DAPK1: variants seen among roughly 807,000 people sequenced by gnomAD.
DAPK1 encodes the protein death associated protein kinase 1.
In DAPK1, 56 loss-of-function variants were observed where a neutral mutation model predicts 144.9. That is an observed-to-expected ratio of 0.39 (90% CI 0.31 to 0.48). The LOEUF (loss-of-function observed/expected upper bound fraction) is 0.48. Ranked by LOEUF, DAPK1 falls within the 20% of genes least tolerant of loss-of-function variation. The probability of loss-of-function intolerance (pLI) is 0.95; values close to 1 mark genes in which losing one functional copy is unlikely to be tolerated. For missense variants in DAPK1, 1,454 were observed against 1,875.4 expected (o/e 0.78, Z 4.15); for synonymous variants, 690 against 749.0 (o/e 0.92, Z 1.29).
chr9:87,680,266 G>A (rs926915438), intron 19 of DAPK1, among the ~76,000 whole-genome samples: 1 of 151,910 alleles, frequency 6.6e-6, no homozygotes, highest in Non-Finnish European at 1.5e-5. Flanking sequence ...CACCACGCCC[G>A]GCTAATTTTT....
At chr9:87,697,282 C>T (rs1054391063) in intron 22 of DAPK1, 78 bp downstream of exon 22, 27 of 720,204 alleles carry the variant, frequency 3.7e-5, no homozygotes, top group Non-Finnish European at 5.9e-5. Flanking sequence ...AGGCTTCTGC[C>T]CTGCTCCTGC....
chr9:87,512,885 G>T (rs980017195), intron 2 of DAPK1, among the ~76,000 whole-genome samples: 6 of 152,024 alleles, frequency 3.9e-5, no homozygotes, highest in African/African-American at 1.4e-4. Context: ...AGAGGCTGGT[G>T]ATCCACCCAC....
chr9:87,611,187 T>C (rs1353625268), intron 3 of DAPK1, among the ~76,000 whole-genome samples: 1 of 152,200 alleles, frequency 6.6e-6, no homozygotes, highest in Non-Finnish European at 1.5e-5. Context: ...AAATATACAG[T>C]TTAAAACAGT....
chr9:87,531,879 C>T (rs1387642853), intron 2 of DAPK1, among the ~76,000 whole-genome samples: 3 of 152,172 alleles, frequency 2.0e-5, no homozygotes, highest in African/African-American at 4.8e-5. Context: ...CCTTATTGTG[C>T]AGTAGTTTTC....
chr9:87,640,489 C>T (rs940890448), intron 8 of DAPK1, 39 bp downstream of exon 8: 1 of 1,601,254 alleles, frequency 6.2e-7, no homozygotes, highest in Non-Finnish European at 8.5e-7. Context: ...TGGCCACGGC[C>T]TCAGCCAGCC....
chr9:87,508,251 A>T (rs978647100), intron 2 of DAPK1, among the ~76,000 whole-genome samples: 1 of 151,772 alleles, frequency 6.6e-6, no homozygotes, highest in East Asian at 1.9e-4. Context: ...ACCTCAGGTG[A>T]TCTGCCCTCC....
intron 19 of DAPK1, among the ~76,000 whole-genome samples, chr9:87,672,159 T>C (rs1030999695): frequency 6.6e-6 from 1 of 152,170 alleles, no homozygotes; most frequent in Non-Finnish European, 1.5e-5. Context: ...CCTGTTATTG[T>C]TGGAACCCCG....
intron 18 of DAPK1, among the ~76,000 whole-genome samples, chr9:87,659,170 A>C (rs1830739275): frequency 6.6e-6 from 1 of 152,080 alleles, no homozygotes; most frequent in Non-Finnish European, 1.5e-5. Flanking sequence ...CCCCGAATGC[A>C]CTCATGTTAC....
intron 2 of DAPK1, among the ~76,000 whole-genome samples, chr9:87,504,031 A>G (rs1219505299): frequency 6.6e-6 from 1 of 152,206 alleles, no homozygotes; most frequent in Non-Finnish European, 1.5e-5. Context: ...TGCAGGAGTC[A>G]GTCCTATGAA....
intron 3 of DAPK1, among the ~76,000 whole-genome samples, chr9:87,635,804 G>C (rs1829874611): frequency 6.6e-6 from 1 of 152,166 alleles, no homozygotes; most frequent in South Asian, 2.1e-4. Flanking sequence ...GTGAGCGCGT[G>C]GCAGAAGTTA....
At chr9:87,662,947 G>A (rs770668058) in intron 18 of DAPK1, among the ~76,000 whole-genome samples, 1 of 151,882 alleles carries the variant, frequency 6.6e-6, no homozygotes, top group Non-Finnish European at 1.5e-5. Flanking sequence ...GTTTCAAGCT[G>A]AGTCAAGGCC....
At chr9:87,517,684 G>A (rs1028651339) in intron 2 of DAPK1, among the ~76,000 whole-genome samples, 4 of 152,142 alleles carry the variant, frequency 2.6e-5, no homozygotes, top group Admixed American at 2.6e-4. Flanking sequence ...TGTTGTGCAC[G>A]TTTTCATCCT....
intron 2 of DAPK1, among the ~76,000 whole-genome samples, chr9:87,519,027 A>G (rs905809996): frequency 1.3e-5 from 2 of 152,240 alleles, no homozygotes; most frequent in Admixed American, 6.5e-5. Flanking sequence ...TCCTTGGCCA[A>G]GTCGAGTAAG....
At chr9:87,594,103 C>T (rs1194658703) in intron 2 of DAPK1, among the ~76,000 whole-genome samples, 2 of 152,162 alleles carry the variant, frequency 1.3e-5, no homozygotes. Flanking sequence ...AAACTGGACT[C>T]AGAGTTCAGC....
At chr9:87,545,480 G>C (rs969334129) in intron 2 of DAPK1, among the ~76,000 whole-genome samples, 1 of 152,198 alleles carries the variant, frequency 6.6e-6, no homozygotes, top group Admixed American at 6.5e-5. Context: ...AGGCAAACTA[G>C]ACAGACATCA....
At chr9:87,551,624 G>A (rs890632927) in intron 2 of DAPK1, among the ~76,000 whole-genome samples, 1 of 152,182 alleles carries the variant, frequency 6.6e-6, no homozygotes, top group East Asian at 1.9e-4. Flanking sequence ...TTGAGGATAA[G>A]GGCGAGAGAA....
chr9:87,670,933 A>G (rs1159559032), intron 19 of DAPK1, among the ~76,000 whole-genome samples: 1 of 152,148 alleles, frequency 6.6e-6, no homozygotes, highest in Non-Finnish European at 1.5e-5. Context: ...CCCCCTTAGC[A>G]ATGGTCCCTT....
intron 2 of DAPK1, among the ~76,000 whole-genome samples, chr9:87,541,865 T>C (rs531793522): frequency 1.3e-5 from 2 of 152,350 alleles, no homozygotes; most frequent in East Asian, 3.9e-4. Context: ...CATGTCTATA[T>C]AGGCCATGCC....
Position 87,498,045 on chromosome 9 carries a change from TGG to T in DAPK1, c.-170_-169del. ...CGCCGCCCCGGCTAGTCTCCGGCGC[TGG>T]CGCCTATGGTCGGCCTCCGACAGCG... On this transcript the variant is annotated 5_prime_UTR_variant, in exon 1 of 26. Coordinates refer to ENST00000408954, the MANE Select transcript of DAPK1 (RefSeq NM_004938.4). 4 of 397,768 alleles carry T rather than the reference TGG, an allele frequency of 1.0e-5. No individual in the cohort carries two copies. The highest frequency in any genetic ancestry group is 8.2e-5 in the African/African-American group (4 of 48,708). The allele number at this position is 397,768 out of a possible 1,614,324, so 24.6% of individuals were successfully genotyped here. A position where few individuals can be genotyped will look rare whatever the true frequency, so the allele number is the denominator to read the frequency against.
Sources: allele counts gnomAD v4.1 joint callset (sites outside exome capture counted in the v4.1 genomes callset), GRCh38; gene constraint gnomAD v4.1.1; transcripts MANE v1.5; gene names NCBI Gene and HGNC (gene_info 2026-07-23, HGNC 2026-07-21).